Variants in LARGE1 observed in about 807,000 individuals in gnomAD.
The protein encoded by LARGE1 is LARGE xylosyl- and glucuronyltransferase 1, also known as xylosyl- and glucuronyltransferase LARGE1.
LARGE1 carries 43 observed loss-of-function variants against 87.6 expected under a neutral mutation model. The ratio of observed to expected loss-of-function variants is 0.49; its 90% CI spans 0.38 to 0.63. LARGE1 has a LOEUF of 0.63. Ranked by LOEUF, LARGE1 falls within the 30% of genes least tolerant of loss-of-function variation. The pLI is 0.00. For missense variants in LARGE1, 802 were observed against 1,000.2 expected (o/e 0.80, Z 2.67); for synonymous variants, 434 against 394.6 (o/e 1.10, Z -1.18).
chr22:33,149,022 T>C, the LARGE1 span, among the ~76,000 whole-genome samples: 1 of 151,330 alleles, frequency 6.6e-6, no homozygotes, highest in Non-Finnish European at 1.5e-5. Flanking sequence ...TATGGCTTCA[T>C]TTTTGTTTTC....
At chr22:33,524,467 T>C (rs1242725216) in intron 6 of LARGE1, among the ~76,000 whole-genome samples, 2 of 152,094 alleles carry the variant, frequency 1.3e-5, no homozygotes, top group African/African-American at 4.8e-5. Flanking sequence ...ATCAGATGCA[T>C]AATTTGTTTA....
intron 6 of LARGE1, among the ~76,000 whole-genome samples, chr22:33,510,009 T>C (rs1303641955): frequency 2.0e-5 from 3 of 152,156 alleles, no homozygotes; most frequent in Non-Finnish European, 2.9e-5. Flanking sequence ...AGAACAAGAA[T>C]GTGTGAGTAC....
At chr22:33,257,068 G>A (rs947160128) in intron 11 of LARGE1, among the ~76,000 whole-genome samples, 2 of 152,176 alleles carry the variant, frequency 1.3e-5, no homozygotes, top group South Asian at 2.1e-4. Flanking sequence ...AGCCGGGCGT[G>A]GTGGTGCATG....
chr22:33,437,632 T>G (rs776702682), intron 6 of LARGE1, among the ~76,000 whole-genome samples: 38 of 151,922 alleles, frequency 2.5e-4, no homozygotes, highest in Admixed American at 1.8e-3. Flanking sequence ...CTGCTCCATC[T>G]GCCTGGACCT....
At chr22:33,552,418 G>T (rs1055508692) in intron 6 of LARGE1, among the ~76,000 whole-genome samples, 1 of 151,304 alleles carries the variant, frequency 6.6e-6, no homozygotes, top group African/African-American at 2.4e-5. Flanking sequence ...ACCAAGAGAT[G>T]GCACCTATCT....
intron 9 of LARGE1, among the ~76,000 whole-genome samples, chr22:33,343,174 G>A (rs879625036): frequency 1.3e-5 from 2 of 152,092 alleles, no homozygotes; most frequent in African/African-American, 2.4e-5. Flanking sequence ...TATCACCCAG[G>A]CTGGAGTACA....
At chr22:33,578,557 C>G (rs952162244) in intron 5 of LARGE1, among the ~76,000 whole-genome samples, 1 of 152,088 alleles carries the variant, frequency 6.6e-6, no homozygotes, top group Non-Finnish European at 1.5e-5. Context: ...ATGTAACAGA[C>G]AGTATACTAA....
At chr22:33,191,277 A>G (rs2146191636) in intron 11 of LARGE1, among the ~76,000 whole-genome samples, 1 of 96,466 alleles carries the variant, frequency 1.0e-5, no homozygotes, top group East Asian at 2.2e-4. Flanking sequence ...ATTCTGCTAC[A>G]ACTAAAAAAG....
chr22:33,300,670 T>C (rs1422311721), intron 12 of LARGE1, among the ~76,000 whole-genome samples: 11 of 152,078 alleles, frequency 7.2e-5, no homozygotes, highest in Non-Finnish European at 1.3e-4. Context: ...GCCTCCCTAG[T>C]AGCTGGGACT....
At chr22:33,503,080 A>G (rs2070557027) in intron 6 of LARGE1, among the ~76,000 whole-genome samples, 1 of 152,198 alleles carries the variant, frequency 6.6e-6, no homozygotes, top group Non-Finnish European at 1.5e-5. Context: ...GTTTTGTGCA[A>G]GGAGGTCCAA....
intron 1 of LARGE1, among the ~76,000 whole-genome samples, chr22:33,824,408 C>A (rs1024160939): frequency 6.6e-6 from 1 of 152,174 alleles, no homozygotes; most frequent in Non-Finnish European, 1.5e-5. Context: ...ATGCTATACA[C>A]TTTTAAACAA....
At chr22:33,571,411 C>A (rs867963743) in intron 5 of LARGE1, among the ~76,000 whole-genome samples, 15 of 152,124 alleles carry the variant, frequency 9.9e-5, no homozygotes, top group African/African-American at 3.4e-4. Flanking sequence ...AGCATGGAGG[C>A]AGAGAGCTGG....
chr22:33,642,709 G>GAAAAAAA (rs2080477002), intron 3 of LARGE1, among the ~76,000 whole-genome samples: 9 of 11,150 alleles, frequency 8.1e-4, no homozygotes, highest in East Asian at 2.5e-3. Context: ...CAAATGGAAA[G>GAAAAAAA]CAAAAAAAAA....
At chr22:33,596,852 T>A (rs2078989471) in intron 5 of LARGE1, among the ~76,000 whole-genome samples, 1 of 152,200 alleles carries the variant, frequency 6.6e-6, no homozygotes, top group Non-Finnish European at 1.5e-5. Flanking sequence ...CTGCAATCAA[T>A]CTTCACCAAT....
intron 6 of LARGE1, among the ~76,000 whole-genome samples, chr22:33,448,417 C>A (rs2067775751): frequency 6.6e-6 from 1 of 152,130 alleles, no homozygotes; most frequent in Non-Finnish European, 1.5e-5. Context: ...GTTAATTAAA[C>A]AATAAATTAA....
intron 5 of LARGE1, among the ~76,000 whole-genome samples, chr22:33,593,288 C>G (rs2078895220): frequency 6.6e-6 from 1 of 152,160 alleles, no homozygotes; most frequent in African/African-American, 2.4e-5. Flanking sequence ...AGTGATCCAC[C>G]CACCTCAGCC....
upstream of LARGE1, among the ~76,000 whole-genome samples, chr22:33,922,114 C>G (rs1045635963): frequency 1.3e-5 from 2 of 152,136 alleles, no homozygotes; most frequent in Non-Finnish European, 2.9e-5. Context: ...TGCCTTCCCT[C>G]TGCGCGCCTC....
intron 12 of LARGE1, among the ~76,000 whole-genome samples, chr22:33,291,600 A>C (rs531887890): frequency 6.6e-6 from 1 of 152,088 alleles, no homozygotes; most frequent in Admixed American, 6.5e-5. Flanking sequence ...TGCATAATGT[A>C]TTCATTACAT....
chr22:33,557,189 A>G (rs895232653), intron 6 of LARGE1, among the ~76,000 whole-genome samples: 1 of 152,212 alleles, frequency 6.6e-6, no homozygotes, highest in Non-Finnish European at 1.5e-5. Flanking sequence ...AAGTTAAATG[A>G]TCTTTCTAAT....
Sources: gnomAD v4.1 joint callset for allele counts (sites outside exome capture counted in the v4.1 genomes callset) on GRCh38, gnomAD v4.1.1 for gene constraint, MANE v1.5 for transcripts, NCBI Gene and HGNC (gene_info 2026-07-23, HGNC 2026-07-21) for gene names.